ITPR2: variants seen among roughly 807,000 people sequenced by gnomAD.
ITPR2 encodes inositol 1,4,5-trisphosphate receptor type 2.
In ITPR2, 207 loss-of-function variants were observed where a neutral mutation model predicts 317.1. The ratio of observed to expected loss-of-function variants is 0.65; its 90% CI spans 0.58 to 0.73. ITPR2 has a LOEUF of 0.73. ITPR2 is among the 30% of genes least tolerant of loss of function. The pLI, the probability that ITPR2 is intolerant of heterozygous loss-of-function variation, is 0.00. For missense variants in ITPR2, 2,613 were observed against 3,284.0 expected (o/e 0.80, Z 4.99); for synonymous variants, 1,156 against 1,149.1 (o/e 1.01, Z -0.12).
At chr12:26,822,041 C>G (rs1950945645) in intron 1 of ITPR2, among the ~76,000 whole-genome samples, 1 of 152,100 alleles carries the variant, frequency 6.6e-6, no homozygotes, top group South Asian at 2.1e-4. Flanking sequence ...GTGAAGAATC[C>G]TCTTTTCCTT....
At chr12:26,348,776 C>A (rs182792221) in intron 55 of ITPR2, among the ~76,000 whole-genome samples, 2,592 of 152,244 alleles carry the variant, frequency 0.017, 43 homozygotes, top group Non-Finnish European at 0.024. Context: ...CTGCTTGAGC[C>A]TGGGAGTTTG....
intron 55 of ITPR2, among the ~76,000 whole-genome samples, chr12:26,369,209 GT>G (rs1347581438): frequency 6.6e-6 from 1 of 152,238 alleles, no homozygotes; most frequent in African/African-American, 2.4e-5. Flanking sequence ...GAAGGTTCGG[GT>G]TTATTCTATG....
At chr12:26,403,722 T>C (rs1341079299) in intron 52 of ITPR2, among the ~76,000 whole-genome samples, 1 of 152,212 alleles carries the variant, frequency 6.6e-6, no homozygotes, top group African/African-American at 2.4e-5. Flanking sequence ...CTCTAATTAA[T>C]GTAGACTCTA....
At chr12:26,774,914 G>A (rs993012649) in intron 2 of ITPR2, among the ~76,000 whole-genome samples, 1 of 152,222 alleles carries the variant, frequency 6.6e-6, no homozygotes, top group Non-Finnish European at 1.5e-5. Context: ...GTTGGCCCCA[G>A]CCTTCCTGTC....
chr12:26,668,710 G>A (rs1485541207), intron 13 of ITPR2, among the ~76,000 whole-genome samples: 1 of 152,084 alleles, frequency 6.6e-6, no homozygotes, highest in Non-Finnish European at 1.5e-5. Context: ...TTTTAAATGA[G>A]TGTGTATTCA....
At chr12:26,632,366 TACTA>T (rs2136836199) in intron 21 of ITPR2, among the ~76,000 whole-genome samples, 1 of 152,358 alleles carries the variant, frequency 6.6e-6, no homozygotes, top group South Asian at 2.1e-4. Flanking sequence ...CAGTATGTCC[TACTA>T]ACTGTCATAC....
intron 37 of ITPR2, among the ~76,000 whole-genome samples, chr12:26,537,731 T>C (rs1260532136): frequency 6.6e-6 from 1 of 152,240 alleles, no homozygotes; most frequent in East Asian, 1.9e-4. Flanking sequence ...TCCATGACTG[T>C]ATAAGTAATA....
At chr12:26,784,380 A>G (rs79758265) in intron 2 of ITPR2, among the ~76,000 whole-genome samples, 14,268 of 75,978 alleles carry the variant, frequency 0.19, 4,106 homozygotes, top group Non-Finnish European at 0.35. Context: ...GTCTCCTTCC[A>G]CGGTCTCCCT....
At chr12:26,617,400 T>A (rs1201052804) in intron 26 of ITPR2, among the ~76,000 whole-genome samples, 1 of 152,120 alleles carries the variant, frequency 6.6e-6, no homozygotes, top group Non-Finnish European at 1.5e-5. Context: ...TTTATAACCA[T>A]TAAAAAATTG....
intron 52 of ITPR2, among the ~76,000 whole-genome samples, chr12:26,401,489 G>C (rs1241897124): frequency 2.6e-5 from 4 of 152,148 alleles, no homozygotes; most frequent in Admixed American, 2.6e-4. Flanking sequence ...TTGTTTAAAG[G>C]TATTGGGATC....
At chr12:26,594,922 A>T (rs977608751) in intron 32 of ITPR2, among the ~76,000 whole-genome samples, 1 of 152,198 alleles carries the variant, frequency 6.6e-6, no homozygotes, top group Non-Finnish European at 1.5e-5. Context: ...CCAACAAAAC[A>T]AACAGTAATA....
chr12:26,547,418 G>A (rs1944415524), intron 37 of ITPR2, among the ~76,000 whole-genome samples: 1 of 152,218 alleles, frequency 6.6e-6, no homozygotes, highest in Admixed American at 6.5e-5. Flanking sequence ...CGTTGATGAG[G>A]ATGTGGAGAA....
chr12:26,707,940 T>G (rs1224063998), intron 9 of ITPR2, among the ~76,000 whole-genome samples: 1 of 151,490 alleles, frequency 6.6e-6, no homozygotes, highest in Non-Finnish European at 1.5e-5. Flanking sequence ...GAGTAAAAGA[T>G]CTGAATACAA....
chr12:26,578,203 A>ACCC lies in ITPR2; in HGVS notation c.4630+507_4630+509dup, dbSNP rs141243743. On this transcript the variant is annotated intron_variant, in intron 34 of 56. Transcript: ENST00000381340. ...CTCTCTCTCTCTCTCTCGACACCCC[A>ACCC]CCCCCATACACAGAGAAGAATCTAT... Among the ~76,000 whole-genome samples, 3 of 150,368 alleles carry ACCC rather than the reference A, an allele frequency of 2.0e-5. No homozygotes were observed. The South Asian group carries it at 6.3e-4, about 32-fold the overall frequency.
At chr12:26,344,975 T>C (rs1438794836) in intron 55 of ITPR2, among the ~76,000 whole-genome samples, 2 of 152,216 alleles carry the variant, frequency 1.3e-5, no homozygotes, top group Admixed American at 6.5e-5. Context: ...TGTTTTGGTT[T>C]GTTTGTTTCT....
chr12:26,363,129 A>G (rs1399711123), intron 55 of ITPR2, among the ~76,000 whole-genome samples: 1 of 152,166 alleles, frequency 6.6e-6, no homozygotes, highest in African/African-American at 2.4e-5. Flanking sequence ...CATCGCCTGC[A>G]TTACCGCCTG....
At chr12:26,650,110 A>G (rs1947212079) in intron 21 of ITPR2, among the ~76,000 whole-genome samples, 2 of 152,202 alleles carry the variant, frequency 1.3e-5, no homozygotes, top group Admixed American at 6.5e-5. Flanking sequence ...AAGTCAGTGG[A>G]ATTCACTAAA....
At chr12:26,744,052 C>T (rs1189633734) in intron 2 of ITPR2, among the ~76,000 whole-genome samples, 3 of 152,238 alleles carry the variant, frequency 2.0e-5, no homozygotes, top group East Asian at 1.9e-4. Context: ...ACTAACAAGT[C>T]TCTGCTTCTG....
chr12:26,663,721 G>A lies in ITPR2; in HGVS notation c.1677C>T (p.Val559=). The change falls in exon 15 of 57, where the codon GTC becomes GTT. Residue 559 remains valine, a synonymous_variant. Coordinates refer to ENST00000381340, the MANE Select transcript of ITPR2 (RefSeq NM_002223.4). The stretch of plus-strand genomic sequence containing the variant: ...GGTAATCCTGCTGCGAGTGTCTCAG[G>A]ACGCGGTAACAGAGCCGCAGCATGT... ...YKYMLRLCYR[V]LRHSQQDYRK... is the part of the protein sequence containing the mutation. The A allele has an allele frequency of 6.2e-7, 1 of 1,613,108 alleles. No homozygotes were observed. Among genetic ancestry groups the A allele is most frequent in the Non-Finnish European group, 8.5e-7 (1 of 1,179,784 alleles).
Sources: allele counts gnomAD v4.1 joint callset (sites outside exome capture counted in the v4.1 genomes callset), GRCh38; gene constraint gnomAD v4.1.1; transcripts MANE v1.5; gene names NCBI Gene and HGNC (gene_info 2026-07-23, HGNC 2026-07-21).